VPS33A: variants seen among roughly 807,000 people sequenced by gnomAD.
The protein encoded by VPS33A is vacuolar protein sorting-associated protein 33A.
A neutral mutation model predicts 71.8 loss-of-function variants in VPS33A; 32 were observed. That is an observed-to-expected ratio of 0.45 (90% confidence interval 0.34 to 0.60). The LOEUF (loss-of-function observed/expected upper bound fraction) is 0.60. Ranked by LOEUF, VPS33A falls within the 20% of genes least tolerant of loss-of-function variation. The pLI is 0.02. For synonymous variants in VPS33A, 311 were observed against 292.7 expected, an observed-to-expected ratio of 1.06 and a Z score of -0.64; for missense variants, 625 against 748.5, an observed-to-expected ratio of 0.84 and a Z score of 1.92.
At chr12:122,257,741 A>G (rs1954939325) in intron 4 of VPS33A, among the ~76,000 whole-genome samples, 1 of 152,124 alleles carries the variant, frequency 6.6e-6, no homozygotes, top group Admixed American at 6.5e-5. Flanking sequence ...AGCACAATCT[A>G]AAAGAACAAA....
chr12:122,249,839 C>A (rs201035891), intron 6 of VPS33A, 32 bp downstream of exon 6: 4 of 1,581,486 alleles, frequency 2.5e-6, no homozygotes, highest in Middle Eastern at 2.0e-4. Flanking sequence ...TCTCATATTA[C>A]CTATTAGTGA....
In VPS33A at chr12:122,232,359, C is replaced by T; in HGVS notation, c.1678G>A (p.Ala560Thr). ...TCCAACTGGGAGAGAAATCGCAGGG[C>T]AGCAATTTCAGCGAAGGTTACGCCC... ...LGGVTFAEIA[A>T]LRFLSQLEDG... Residue 560 changes from alanine (A) to threonine (T), a missense_variant, in exon 13 of 13, where the codon GCC (alanine) becomes ACC (threonine). By Grantham distance (58) the Ala-to-Thr change is moderately conservative. Transcript: ENST00000267199. 1.9e-6 allele frequency: 3 copies of T among 1,614,154 alleles called. No homozygotes were observed. The highest frequency in any genetic ancestry group is 2.5e-6 in the Non-Finnish European group (3 of 1,180,030).
chr12:122,235,187 T>G (rs775622083), intron 11 of VPS33A, among the ~76,000 whole-genome samples: 15 of 151,730 alleles, frequency 9.9e-5, no homozygotes, highest in Non-Finnish European at 2.2e-4. Flanking sequence ...CTCGAACTCC[T>G]GGACTCAAGC....
At chr12:122,244,339 C>T (rs569904129) in intron 7 of VPS33A, among the ~76,000 whole-genome samples, 20 of 152,286 alleles carry the variant, frequency 1.3e-4, no homozygotes, top group Non-Finnish European at 2.2e-4. Flanking sequence ...CACACACTTG[C>T]GCCTCCACCT....
chr12:122,241,731 T>A (rs564707954), intron 8 of VPS33A, among the ~76,000 whole-genome samples: 1 of 151,764 alleles, frequency 6.6e-6, no homozygotes, highest in Admixed American at 6.6e-5. Context: ...TAGCTGTAAC[T>A]ACAGGCATGT....
chr12:122,248,244 T>TTCC (rs1177573864), intron 6 of VPS33A: 1 of 152,332 alleles, frequency 6.6e-6, no homozygotes, highest in African/African-American at 2.4e-5. Flanking sequence ...TCCTCAGGCC[T>TTCC]TCCCTTGGCT....
intron 4 of VPS33A, among the ~76,000 whole-genome samples, chr12:122,254,028 C>A (rs868559149): frequency 6.6e-6 from 1 of 152,078 alleles, no homozygotes; most frequent in Non-Finnish European, 1.5e-5. Flanking sequence ...CAAAGTCTCA[C>A]ATACCCACAC....
At chr12:122,266,210 G>C in intron 1 of VPS33A, 97 bp downstream of exon 1, 1 of 1,521,354 alleles carries the variant, frequency 6.6e-7, no homozygotes, top group South Asian at 1.2e-5. Flanking sequence ...GAAGCCCCAA[G>C]GACCTCATAA....
chr12:122,261,988 C>T (rs769793966), intron 3 of VPS33A, among the ~76,000 whole-genome samples: 5 of 151,262 alleles, frequency 3.3e-5, no homozygotes, highest in East Asian at 3.9e-4. Flanking sequence ...GGCAACACAG[C>T]GAGACTCCAT....
At chr12:122,247,323 T>C (rs1348030848) in intron 6 of VPS33A, among the ~76,000 whole-genome samples, 37 of 143,750 alleles carry the variant, frequency 2.6e-4, no homozygotes, top group African/African-American at 9.2e-4. Flanking sequence ...CCAGGCCGCC[T>C]CTCCCCCCAC....
intron 6 of VPS33A, among the ~76,000 whole-genome samples, chr12:122,246,611 TTTAA>T (rs139887476): frequency 0.24 from 35,754 of 150,930 alleles, 4,957 homozygotes; most frequent in East Asian, 0.61. Flanking sequence ...TTTTTGGTTT[TTTAA>T]TTGAGACACA....
intron 4 of VPS33A, among the ~76,000 whole-genome samples, chr12:122,259,179 A>ATGTATGTG (rs1174460779): frequency 7.9e-6 from 1 of 126,618 alleles, no homozygotes; most frequent in Non-Finnish European, 1.7e-5. Context: ...GTGTGTGTGT[A>ATGTATGTG]TGTATGTGTG....
intron 4 of VPS33A, among the ~76,000 whole-genome samples, chr12:122,251,356 T>C (rs1417495628): frequency 6.6e-6 from 1 of 152,176 alleles, no homozygotes; most frequent in Admixed American, 6.5e-5. Flanking sequence ...GGGAGAAAAC[T>C]GTTCACCCAG....
At chr12:122,239,987 T>C (rs760761079) in intron 8 of VPS33A, 42 bp from the exon 9 acceptor site, 17 of 1,441,442 alleles carry the variant, frequency 1.2e-5, no homozygotes, top group Non-Finnish European at 1.7e-5. Flanking sequence ...AAATTAAATG[T>C]TAATTTACTT....
chr12:122,239,779 A>AAAAAAAAAAAAAAAAAAAAAAAAAAT, intron 9 of VPS33A, 99 bp downstream of exon 9: 1 of 507,360 alleles, frequency 2.0e-6, no homozygotes, highest in Non-Finnish European at 3.4e-6. Context: ...AAAAAAAAAA[A>AAAAAAAAAAAAAAAAAAAAAAAAAAT]GGCAAGGCAT....
In VPS33A at chr12:122,230,164, A is replaced by C. The variant is rs1395819126; in HGVS notation, c.*2082T>G. ...AATACTGAATATCAAGGCCAAATTA[A>C]TTCCATGAGAAACTAATCTTTCAAT... On this transcript the variant is annotated 3_prime_UTR_variant, in exon 13 of 13. Coordinates refer to ENST00000267199, the MANE Select transcript of VPS33A (RefSeq NM_022916.6). 1 of 152,244 alleles carries C rather than the reference A, an allele frequency of 6.6e-6. No individual in the cohort carries two copies. The highest frequency in any genetic ancestry group is 1.5e-5 in the Non-Finnish European group (1 of 68,046). The allele number at this position is 152,244 out of a possible 1,614,324, so 9.4% of individuals were successfully genotyped here. A position where few individuals can be genotyped will look rare whatever the true frequency, so the allele number is the denominator to read the frequency against.
At chr12:122,262,992 T>G (rs1352553172) in intron 3 of VPS33A, among the ~76,000 whole-genome samples, 3 of 91,714 alleles carry the variant, frequency 3.3e-5, no homozygotes, top group African/African-American at 2.7e-4. Context: ...AATTACACTC[T>G]TTTTTTTTTT....
At chr12:122,262,776 T>C (rs1023402497) in intron 3 of VPS33A, among the ~76,000 whole-genome samples, 1 of 152,060 alleles carries the variant, frequency 6.6e-6, no homozygotes, top group African/African-American at 2.4e-5. Context: ...GTAGATAGGA[T>C]GATCCTCCTC....
Position 122,235,849 on chromosome 12 carries a change from G to A in VPS33A, c.1377C>T (p.Gly459=), listed in dbSNP as rs1182808514. 30 of 1,613,706 alleles carry A rather than the reference G, an allele frequency of 1.9e-5. No individual in the cohort carries two copies. The highest frequency in any genetic ancestry group is 2.5e-5 in the Non-Finnish European group (29 of 1,179,884). Residue 459 remains glycine (G), a synonymous_variant, in exon 11 of 13, where the codon GGC becomes GGT. Coordinates refer to ENST00000267199, the MANE Select transcript of VPS33A (RefSeq NM_022916.6). ...KAGLLKPQTG[G]RNNYPTIRKT... The stretch of plus-strand genomic sequence containing the variant: ...TCCGTATAGTTGGGTAATTGTTTCT[G>A]CCCCCCGTCTGCGGTTTCAGCAGGC...
Sources: gnomAD v4.1 joint callset for allele counts (sites outside exome capture counted in the v4.1 genomes callset) on GRCh38, gnomAD v4.1.1 for gene constraint, MANE v1.5 for transcripts, NCBI Gene and HGNC (gene_info 2026-07-23, HGNC 2026-07-21) for gene names.